CNOT6: variants seen among roughly 807,000 people sequenced by gnomAD.
CNOT6 encodes CCR4-NOT transcription complex subunit 6, also known as carbon catabolite repression 4 protein.
In CNOT6, 12 loss-of-function variants were observed where a neutral mutation model predicts 61.2. The observed-to-expected ratio is 0.20, with a 90% CI of 0.13 to 0.32. CNOT6 has a LOEUF of 0.32. CNOT6 is among the 10% of genes least tolerant of loss of function. The pLI is 1.00. For synonymous variants in CNOT6, 225 were observed against 240.6 expected, an observed-to-expected ratio of 0.94 and a Z score of 0.60; for missense variants, 405 against 663.9, an observed-to-expected ratio of 0.61 and a Z score of 4.28.
chr5:180,574,501 A>T lies in CNOT6; in HGVS notation c.*301A>T, dbSNP rs1374801479. On this transcript the variant is annotated 3_prime_UTR_variant, in exon 12 of 12. Coordinates refer to ENST00000261951, the MANE Select transcript of CNOT6 (RefSeq NM_001370472.1). ...ATATTTTCATGCCTGGAAATAGGAA[A>T]ATGTGTGAACAGCGTATTCTCTTCA... The T allele has an allele frequency of 1.4e-5, 6 of 425,736 alleles. No homozygotes were observed. Among genetic ancestry groups the T allele is most frequent in the Non-Finnish European group, 2.6e-5 (6 of 231,024 alleles). 26.4% of individuals were successfully genotyped at this position (425,736 alleles called of 1,614,324 possible). A position where few individuals can be genotyped will look rare whatever the true frequency, so the allele number is the denominator to read the frequency against.
chr5:180,560,596 G>C (rs915879096), intron 4 of CNOT6, among the ~76,000 whole-genome samples: 2 of 152,042 alleles, frequency 1.3e-5, no homozygotes, highest in African/African-American at 4.8e-5. Flanking sequence ...ATTCCAATTT[G>C]TTTTTCTCCT....
At chr5:180,504,916 C>G (rs1054077457) in intron 1 of CNOT6, among the ~76,000 whole-genome samples, 1 of 150,372 alleles carries the variant, frequency 6.7e-6, no homozygotes, top group East Asian at 1.9e-4. Flanking sequence ...TAATTGATAG[C>G]TATAACCCAC....
In CNOT6 at chr5:180,574,737, AT is replaced by A. The variant is rs970873224; in HGVS notation, c.*546del. 2.3e-4 allele frequency: 35 copies of A among 154,034 alleles called. No homozygotes were observed. The highest frequency in any genetic ancestry group is 7.2e-4 in the African/African-American group (30 of 41,474). 9.5% of individuals were successfully genotyped at this position (154,034 alleles called of 1,614,324 possible). On this transcript the variant is annotated 3_prime_UTR_variant, in exon 12 of 12. Transcript: ENST00000261951. ...TGATTGTATTGTAAACTGAGGCTAAATTTTTTTTTAAACCTGTTTCATGTGT... is the reference window on the plus strand; with the variant it reads ...TGATTGTATTGTAAACTGAGGCTAAATTTTTTTTAAACCTGTTTCATGTGT...
intron 4 of CNOT6, 77 bp from the exon 5 acceptor site, chr5:180,564,412 A>T: frequency 2.1e-6 from 2 of 941,646 alleles, no homozygotes; most frequent in Non-Finnish European, 3.4e-6. Context: ...GGATGATCTG[A>T]TAATTTTGAT....
At chr5:180,495,175 C>T (rs551368249) in intron 1 of CNOT6, among the ~76,000 whole-genome samples, 6 of 152,364 alleles carry the variant, frequency 3.9e-5, no homozygotes, top group African/African-American at 1.4e-4. Flanking sequence ...GAGCTTCGCG[C>T]TCCGTGGCCA....
chr5:180,541,469 T>G (rs1219849825), intron 2 of CNOT6, among the ~76,000 whole-genome samples: 1 of 144,336 alleles, frequency 6.9e-6, no homozygotes, highest in African/African-American at 2.6e-5. Context: ...TTTTTTTTTT[T>G]GAGACAGAGT....
rs553781903 is a variant in CNOT6 at position 180,531,461 on chromosome 5, C to T, written c.112+2073C>T. Among the ~76,000 whole-genome samples the T allele has an allele frequency of 1.9e-4, 28 of 150,780 alleles. 1 individual carries two copies. In the South Asian group the frequency reaches 4.2e-3, roughly 23 times the overall value. The stretch of plus-strand genomic sequence containing the variant: ...GCAGAGACGCTCCTCATTTCCTAGA[C>T]GGGATGGCGGCTGGGAAGAGACGCT... On this transcript the variant is annotated intron_variant, in intron 2 of 11. Transcript: ENST00000261951.
At chr5:180,504,465 A>G (rs917396070) in intron 1 of CNOT6, among the ~76,000 whole-genome samples, 11 of 152,150 alleles carry the variant, frequency 7.2e-5, no homozygotes, top group African/African-American at 2.4e-4. Context: ...TTCCCACTAG[A>G]TAGTAGTACT....
In CNOT6 at chr5:180,571,446, C is replaced by T; in HGVS notation, c.1461+14C>T. On this transcript the variant is annotated intron_variant, in intron 11 of 11. Coordinates refer to ENST00000261951, the MANE Select transcript of CNOT6 (RefSeq NM_001370472.1). ...TTTGATTTCAAGGTGTGTCTTGAGA[C>T]TGATAAGCTTTTCAAACCTGTCTTT... The T allele has an allele frequency of 6.2e-7, 1 of 1,601,768 alleles. No individual in the cohort carries two copies. The highest frequency in any genetic ancestry group is 1.1e-5 in the South Asian group (1 of 90,648).
Position 180,567,252 on chromosome 5 carries a change from C to G in CNOT6, c.872+10C>G. 1 of 1,593,070 alleles carries G rather than the reference C, an allele frequency of 6.3e-7. No homozygotes were observed. The highest frequency in any genetic ancestry group is 8.5e-7 in the Non-Finnish European group (1 of 1,174,062). Reference sequence around the variant, plus strand: ...TCTTCAAGACAGAAAAGTAAGTCATCTTATTTTTTAAAAAGAACGTTTTCT... The same window carrying G: ...TCTTCAAGACAGAAAAGTAAGTCATGTTATTTTTTAAAAAGAACGTTTTCT... On this transcript the variant is annotated intron_variant, in intron 8 of 11. Transcript: ENST00000261951.
At chr5:180,517,363 A>G (rs11960481) in intron 1 of CNOT6, among the ~76,000 whole-genome samples, 25,736 of 152,030 alleles carry the variant, frequency 0.17, 2,278 homozygotes, top group Non-Finnish European at 0.19. Context: ...TCGTGGGCTC[A>G]AGCTATCTGC....
intron 10 of CNOT6, among the ~76,000 whole-genome samples, chr5:180,569,626 G>A (rs2127766294): frequency 6.6e-6 from 1 of 152,312 alleles, no homozygotes; most frequent in East Asian, 1.9e-4. Context: ...TTACTCCAAA[G>A]TCAGAGATAA....
At chr5:180,529,619 T>TG (rs1200772036) in intron 2 of CNOT6, among the ~76,000 whole-genome samples, 7 of 152,384 alleles carry the variant, frequency 4.6e-5, no homozygotes, top group African/African-American at 1.7e-4. Flanking sequence ...TCAGTATCAG[T>TG]GTCCTCTTAC....
intron 2 of CNOT6, among the ~76,000 whole-genome samples, chr5:180,546,130 A>G (rs1327851782): frequency 2.0e-5 from 3 of 151,958 alleles, no homozygotes; most frequent in African/African-American, 4.8e-5. Flanking sequence ...TCCTGACCTC[A>G]TGATCCACCC....
At chr5:180,526,832 A>C (rs1758121933) in intron 1 of CNOT6, among the ~76,000 whole-genome samples, 1 of 152,104 alleles carries the variant, frequency 6.6e-6, no homozygotes, top group African/African-American at 2.4e-5. Context: ...AATATTTTAG[A>C]ATGTATCTAT....
chr5:180,507,563 T>C (rs932867357), intron 1 of CNOT6, among the ~76,000 whole-genome samples: 3 of 152,048 alleles, frequency 2.0e-5, no homozygotes, highest in African/African-American at 7.2e-5. Flanking sequence ...GGTCACGCCA[T>C]TGCACTCCAG....
intron 1 of CNOT6, among the ~76,000 whole-genome samples, chr5:180,500,995 G>A (rs1756845043): frequency 6.6e-6 from 1 of 152,124 alleles, no homozygotes; most frequent in Admixed American, 6.6e-5. Flanking sequence ...AACAACATGG[G>A]CTGTGGAGCA....
In CNOT6 at chr5:180,574,246, A is replaced by C; in HGVS notation, c.*46A>C. 1 of 1,528,154 alleles carries C rather than the reference A, an allele frequency of 6.5e-7. No individual in the cohort carries two copies. The highest frequency in any genetic ancestry group is 9.1e-7 in the Non-Finnish European group (1 of 1,102,258). The allele number at this position is 1,528,154 out of a possible 1,614,324, so 94.7% of individuals were successfully genotyped here. On this transcript the variant is annotated 3_prime_UTR_variant, in exon 12 of 12. Coordinates refer to ENST00000261951, the MANE Select transcript of CNOT6 (RefSeq NM_001370472.1). The stretch of plus-strand genomic sequence containing the variant: ...GCCTTGATTCACTTGTAAACTTGTG[A>C]AAATCTGAACATAGGGGAGTGAGGT...
chr5:180,546,865 G>C lies in CNOT6; in HGVS notation c.113-3066G>C, dbSNP rs569660054. On this transcript the variant is annotated intron_variant, in intron 2 of 11. Transcript: ENST00000261951. The stretch of plus-strand genomic sequence containing the variant: ...GGGATCAAAAGTGATTTGGATTTCA[G>C]ATTTTTTTATTTTTTATTTTTGAAT... Among the ~76,000 whole-genome samples, 150 of 152,252 alleles carry C rather than the reference G, an allele frequency of 9.9e-4. 2 individuals are homozygous for C. In the South Asian group the frequency reaches 0.025, roughly 25 times the overall value.
Sources: allele counts gnomAD v4.1 joint callset (sites outside exome capture counted in the v4.1 genomes callset), GRCh38; gene constraint gnomAD v4.1.1; transcripts MANE v1.5; gene names NCBI Gene and HGNC (gene_info 2026-07-23, HGNC 2026-07-21).